The following KLHL23 variants were observed in gnomAD, a reference collection of about 807,000 sequenced individuals.
The protein encoded by KLHL23 is kelch-like protein 23.
A neutral mutation model predicts 48.9 loss-of-function variants in KLHL23; 33 were observed. That is an observed-to-expected ratio of 0.67 (90% CI 0.51 to 0.90). The LOEUF is 0.90. Among genes scored for constraint, KLHL23 ranks in the 40% least tolerant of loss-of-function variants. KLHL23 has a pLI of 0.00. For missense variants in KLHL23, 608 were observed against 669.6 expected (o/e 0.91, Z 1.02); for synonymous variants, 234 against 231.6 (o/e 1.01, Z -0.09).
At chr2:169,736,805 A>G (rs1688530851) in intron 2 of KLHL23, among the ~76,000 whole-genome samples, 1 of 152,352 alleles carries the variant, frequency 6.6e-6, no homozygotes, top group South Asian at 2.1e-4. Context: ...CTGGAAAAAA[A>G]GTTAAACGGG....
chr2:169,740,279 C>T (rs1162608439), intron 2 of KLHL23, among the ~76,000 whole-genome samples: 1 of 151,016 alleles, frequency 6.6e-6, no homozygotes, highest in Non-Finnish European at 1.5e-5. Flanking sequence ...CACGTGGCTA[C>T]TTTTTTATTT....
intron 2 of KLHL23, among the ~76,000 whole-genome samples, chr2:169,738,464 G>A (rs1688567600): frequency 6.6e-6 from 1 of 151,908 alleles, no homozygotes; most frequent in African/African-American, 2.4e-5. Flanking sequence ...TTTTCAATTC[G>A]TTTTATTTTG....
At chr2:169,737,394 G>A (rs1348504235) in intron 2 of KLHL23, among the ~76,000 whole-genome samples, 2 of 152,126 alleles carry the variant, frequency 1.3e-5, no homozygotes, top group Admixed American at 6.6e-5. Flanking sequence ...CAGAAAGCCC[G>A]GTGCTGTTGC....
At chr2:169,749,311 C>T (rs1688881912) in intron 3 of KLHL23, 111 bp from the exon 4 acceptor site, 1 of 1,171,788 alleles carries the variant, frequency 8.5e-7, no homozygotes, top group Non-Finnish European at 1.2e-6. Flanking sequence ...ACCACCACTC[C>T]CTATTTTTTG....
rs1688918946 is a variant in KLHL23, at chr2:169,750,018, T to TATGTATACATATATGTGTATATATAC, written c.*286_*287insATGTATACATATATGTGTATATATAC. The TATGTATACATATATGTGTATATATAC allele has an allele frequency of 1.1e-5, 1 of 88,964 alleles. No homozygotes were observed. The highest frequency in any genetic ancestry group is 2.2e-5 in the Non-Finnish European group (1 of 45,582). The allele number at this position is 88,964 out of a possible 1,614,324, so 5.5% of individuals were successfully genotyped here. ...ATACATATATGTGTATATATACGTATGTATGTATACATATGTGTATATATA... is the reference window on the plus strand; with the variant it reads ...ATACATATATGTGTATATATACGTATATGTATACATATATGTGTATATATACGTATGTATACATATGTGTATATATA... On this transcript the variant is annotated 3_prime_UTR_variant, in exon 4 of 4. Transcript: ENST00000392647.
At position 169,744,853 on chromosome 2, in the gene KLHL23, A is replaced by G. The variant is rs181246375; in HGVS notation, c.1366+3316A>G. ...ATTACAGGCTTGAGCCACCACAACC[A>G]GCTCAGTCTGGGTAATTTTTAAAAT... On this transcript the variant is annotated intron_variant, in intron 3 of 3. Transcript: ENST00000392647. 1.4e-3 allele frequency among the ~76,000 whole-genome samples: 211 copies of G among 151,428 alleles called. 1 individual carries two copies. Among genetic ancestry groups the G allele is most frequent in the Non-Finnish European group, 1.8e-4 (12 of 67,868 alleles).
chr2:169,743,184 A>G (rs1366835393), intron 3 of KLHL23, among the ~76,000 whole-genome samples: 1 of 152,172 alleles, frequency 6.6e-6, no homozygotes, highest in African/African-American at 2.4e-5. Flanking sequence ...CGATACATGA[A>G]AAGTCAGAAT....
rs1195434145 is a variant in KLHL23, at chr2:169,734,099, G to A, written c.-3+12G>A. The A allele has an allele frequency of 6.8e-6, 1 of 147,130 alleles. No individual in the cohort carries two copies. The highest frequency in any genetic ancestry group is 2.1e-4 in the South Asian group (1 of 4,860). 9.1% of individuals were successfully genotyped at this position (147,130 alleles called of 1,614,324 possible). On this transcript the variant is annotated intron_variant, in intron 1 of 3. Transcript: ENST00000392647. ...AGCCCCGGCGGGAGGTAGGTGCGGT[G>A]TGGACCCGCAGCCCGAGGCCGGCCT...
chr2:169,738,738 AAGTT>A (rs201367707), intron 2 of KLHL23, among the ~76,000 whole-genome samples: 3,756 of 151,826 alleles, frequency 0.025, 72 homozygotes, highest in Middle Eastern at 0.082. Flanking sequence ...TGCTAGGTAA[AAGTT>A]AGTGGAAAGA....
At position 169,746,017 on chromosome 2, in the gene KLHL23, G is replaced by A. The variant is rs114210663; in HGVS notation, c.1367-3405G>A. 6.4e-4 allele frequency among the ~76,000 whole-genome samples: 97 copies of A among 152,306 alleles called. 1 individual carries two copies. Among genetic ancestry groups the A allele is most frequent in the African/African-American group, 2.2e-3 (93 of 41,558 alleles). Reference sequence around the variant, plus strand: ...TGGGGATGAATAAGATGCCTTGGTAGGGTGGGACCAGCAATACAGCTATGG... The same window carrying A: ...TGGGGATGAATAAGATGCCTTGGTAAGGTGGGACCAGCAATACAGCTATGG... On this transcript the variant is annotated intron_variant, in intron 3 of 3. Coordinates refer to ENST00000392647, the MANE Select transcript of KLHL23 (RefSeq NM_144711.6).
intron 2 of KLHL23, 27 bp downstream of exon 2, chr2:169,736,254 A>T (rs763853473): frequency 1.3e-6 from 2 of 1,564,824 alleles, no homozygotes; most frequent in South Asian, 1.2e-5. Flanking sequence ...TTTATTTTGT[A>T]TTTTTTAGAT....
intron 2 of KLHL23, 63 bp downstream of exon 2, chr2:169,736,290 C>A (rs1688514179): frequency 1.3e-6 from 2 of 1,519,480 alleles, no homozygotes; most frequent in Non-Finnish European, 1.8e-6. Flanking sequence ...AGCAGTCTCA[C>A]TTCTCTTGAA....
At position 169,749,718 on chromosome 2, in the gene KLHL23, G is replaced by T. The variant is rs1688895426; in HGVS notation, c.1663G>T (p.Val555Leu). The T allele has an allele frequency of 6.2e-7, 1 of 1,600,894 alleles. No individual in the cohort carries two copies. Among genetic ancestry groups the T allele is most frequent in the South Asian group, 1.1e-5 (1 of 90,348 alleles). Residue 555 changes from valine to leucine, a missense_variant, in exon 4 of 4, where the codon GTG becomes TTG. Physicochemically the swap from Val to Leu is conservative, Grantham distance 32 (BLOSUM62 1). Coordinates refer to ENST00000392647, the MANE Select transcript of KLHL23 (RefSeq NM_144711.6). ...CATGCGGTCTCATGGGTGTGTTTGT[G>T]TGTATAATGTCTAATTGAATCTGCA... is the stretch of plus-strand genomic sequence containing the variant. ...SAMRSHGCVC[V>L]YNV
In KLHL23 at chr2:169,751,686, T is replaced by C. The variant is rs188290971; in HGVS notation, c.*1954T>C. ...TGTAGAAACGTGGACATGTTTGATA[T>C]GGTAAGTAAAATGAGCACAATACAA... On this transcript the variant is annotated 3_prime_UTR_variant, in exon 4 of 4. Transcript: ENST00000392647. The C allele has an allele frequency of 1.8e-4, 27 of 152,330 alleles. No individual in the cohort carries two copies. The East Asian group carries it at 5.0e-3, about 28-fold the overall frequency. The allele number at this position is 152,330 out of a possible 1,614,324, so 9.4% of individuals were successfully genotyped here. A position where few individuals can be genotyped will look rare whatever the true frequency, so the allele number is the denominator to read the frequency against.
In KLHL23 at chr2:169,735,314, T is replaced by C; in HGVS notation, c.300T>C (p.Ile100=). Residue 100 remains isoleucine, a synonymous_variant, in exon 2 of 4, where the codon ATT becomes ATC. Coordinates refer to ENST00000392647, the MANE Select transcript of KLHL23 (RefSeq NM_144711.6). The surrounding 1 kb of genome is among the most constrained non-coding windows in gnomAD (Gnocchi z 4.5). ...GLVNYAYTSQ[I]EITKRNVQSL... ...TAAATTATGCATACACTTCCCAAAT[T>C]GAAATAACTAAAAGAAATGTTCAAA... The C allele has an allele frequency of 1.2e-6, 2 of 1,613,602 alleles. No homozygotes were observed. Among genetic ancestry groups the C allele is most frequent in the Non-Finnish European group, 1.7e-6 (2 of 1,179,940 alleles).
intron 1 of KLHL23, among the ~76,000 whole-genome samples, chr2:169,734,327 G>C (rs1688457793): frequency 6.8e-6 from 1 of 147,608 alleles, no homozygotes; most frequent in Non-Finnish European, 1.5e-5. Context: ...CGCGGGCACC[G>C]GGCCCGCGGG....
Position 169,749,480 on chromosome 2 carries a change from T to C in KLHL23, c.1425T>C (p.Thr475=). 1 of 1,614,080 alleles carries C rather than the reference T, an allele frequency of 6.2e-7. No homozygotes were observed. The highest frequency in any genetic ancestry group is 8.5e-7 in the Non-Finnish European group (1 of 1,179,998). The change falls in exon 4 of 4, where the codon ACT becomes ACC. Residue 475 remains threonine, a synonymous_variant. Coordinates refer to ENST00000392647, the MANE Select transcript of KLHL23 (RefSeq NM_144711.6). ...ENKLYLVGGQ[T]TITECYDPEQ... ...AGCTCTATCTAGTCGGCGGACAAAC[T>C]ACAATCACAGAATGCTATGACCCTG...
chr2:169,735,303 A>T lies in KLHL23; in HGVS notation c.289A>T (p.Thr97Ser). ...GGAAGGCCTTGTAAATTATGCATAC[A>T]CTTCCCAAATTGAAATAACTAAAAG... The part of the protein sequence containing the change: ...ILEGLVNYAY[T>S]SQIEITKRNV... Residue 97 changes from threonine to serine, a missense_variant, in exon 2 of 4, where the codon ACT (threonine) becomes TCT (serine). Coordinates refer to ENST00000392647, the MANE Select transcript of KLHL23 (RefSeq NM_144711.6). The surrounding 1 kb of genome is among the most constrained non-coding windows in gnomAD (Gnocchi z 4.5). 1 of 1,613,602 alleles carries T rather than the reference A, an allele frequency of 6.2e-7. No homozygotes were observed. Among genetic ancestry groups the T allele is most frequent in the Non-Finnish European group, 8.5e-7 (1 of 1,179,946 alleles).
In KLHL23 at chr2:169,749,443, C is replaced by T. The variant is rs752369079; in HGVS notation, c.1388C>T (p.Pro463Leu). The change falls in exon 4 of 4, where the codon CCG becomes CTG. Residue 463 changes from proline (P) to leucine (L), a missense_variant. Pro to Leu is a moderately conservative substitution (Grantham distance 98, BLOSUM62 -3). Around this residue, in one of 3 missense-constraint regions of KLHL23, gnomAD observed 179 missense variants for 169.9 expected, o/e 1.05. Coordinates refer to ENST00000392647, the MANE Select transcript of KLHL23 (RefSeq NM_144711.6). ...PHPEYGLCSVPFENKLYLVGG... is the reference protein window; with the variant it reads ...PHPEYGLCSVLFENKLYLVGG... ...AAAGAATATGGATTGTGCTCAGTTCCGTTTGAAAATAAGCTCTATCTAGTC... is the reference window on the plus strand; with the variant it reads ...AAAGAATATGGATTGTGCTCAGTTCTGTTTGAAAATAAGCTCTATCTAGTC... The T allele has an allele frequency of 6.2e-6, 10 of 1,610,592 alleles. No individual in the cohort carries two copies. The highest frequency in any genetic ancestry group is 5.9e-6 in the Non-Finnish European group (7 of 1,177,374).
Sources: allele counts gnomAD v4.1 joint callset (sites outside exome capture counted in the v4.1 genomes callset), GRCh38; gene constraint gnomAD v4.1.1; regional missense constraint gnomAD v4.1.1; non-coding constraint Gnocchi (gnomAD v3.1); transcripts MANE v1.5; gene names NCBI Gene and HGNC (gene_info 2026-07-23, HGNC 2026-07-21).